The following RMDN2 variants were observed in gnomAD, a reference collection of about 807,000 sequenced individuals.
The protein encoded by RMDN2 is regulator of microtubule dynamics protein 2.
Under a neutral mutation model 52.8 loss-of-function variants are expected in RMDN2, and 61 were observed. That is an observed-to-expected ratio of 1.16 (90% CI 0.94 to 1.43). The LOEUF (loss-of-function observed/expected upper bound fraction) is 1.43. RMDN2 is among the 40% of genes most tolerant of loss of function. The pLI is 0.00. For synonymous variants in RMDN2, 180 were observed against 153.1 expected, an observed-to-expected ratio of 1.18 and a Z score of -1.30; for missense variants, 592 against 475.3, an observed-to-expected ratio of 1.25 and a Z score of -2.28.
At chr2:38,063,408 G>A (rs1682137148) in intron 10 of RMDN2, among the ~76,000 whole-genome samples, 1 of 152,054 alleles carries the variant, frequency 6.6e-6, no homozygotes, top group Non-Finnish European at 1.5e-5. Context: ...AATTCAAGAT[G>A]GATTGAAGAC....
At chr2:37,984,678 G>A (rs1673765203) in intron 5 of RMDN2, among the ~76,000 whole-genome samples, 1 of 152,134 alleles carries the variant, frequency 6.6e-6, no homozygotes, top group African/African-American at 2.4e-5. Context: ...TTTAGTAGTT[G>A]TTGAAACAGT....
intron 2 of RMDN2, among the ~76,000 whole-genome samples, chr2:37,954,027 T>TA (rs1336142589): frequency 6.6e-6 from 1 of 151,960 alleles, no homozygotes; most frequent in Non-Finnish European, 1.5e-5. Flanking sequence ...AGTCCCTTGA[T>TA]CCTTTTTTTT....
intron 10 of RMDN2, chr2:38,012,455 TTAA>T (rs1678137501): frequency 2.6e-6 from 1 of 379,786 alleles, no homozygotes; most frequent in Non-Finnish European, 5.3e-6. Flanking sequence ...AACCAAGGCA[TTAA>T]TATCGTACAA....
In RMDN2 at chr2:37,990,330, C is replaced by T. The variant is rs185061417; in HGVS notation, c.867+714C>T. Among the ~76,000 whole-genome samples the T allele has an allele frequency of 9.7e-3, 1,461 of 150,048 alleles. 27 individuals carry two copies. Among genetic ancestry groups the T allele is most frequent in the African/African-American group, 0.034 (1,379 of 40,804 alleles). On this transcript the variant is annotated intron_variant, in intron 6 of 10. Coordinates refer to ENST00000354545, the MANE Select transcript of RMDN2 (RefSeq NM_001170791.3). ...GGCCAGGAGTTCGAGACCAGCCTGG[C>T]CAACATGGTGAAACCCCATCTCTAC...
chr2:38,041,255 A>G (rs1038868508), intron 10 of RMDN2, among the ~76,000 whole-genome samples: 4 of 152,060 alleles, frequency 2.6e-5, no homozygotes, highest in African/African-American at 7.2e-5. Context: ...TGTATCTACT[A>G]CCTGCCCTCC....
At chr2:38,060,795 A>G (rs1049240238) in intron 10 of RMDN2, among the ~76,000 whole-genome samples, 2 of 149,018 alleles carry the variant, frequency 1.3e-5, no homozygotes, top group African/African-American at 5.0e-5. Context: ...CAATAAAGTT[A>G]GAGACAGCCA....
chr2:37,967,093 G>T (rs1671153295), intron 2 of RMDN2, among the ~76,000 whole-genome samples: 1 of 152,094 alleles, frequency 6.6e-6, no homozygotes, highest in Admixed American at 6.6e-5. Flanking sequence ...TGATGTTAAA[G>T]ATGAAGCCCA....
At chr2:37,973,929 T>C in intron 2 of RMDN2, 111 bp from the exon 3 acceptor site, 1 of 821,090 alleles carries the variant, frequency 1.2e-6, no homozygotes, top group South Asian at 1.6e-5. Context: ...CACGTGCCAC[T>C]GCAGAGTTTC....
intron 5 of RMDN2, 29 bp from the exon 6 acceptor site, chr2:37,989,512 C>A: frequency 6.6e-7 from 1 of 1,508,578 alleles, no homozygotes; most frequent in East Asian, 2.3e-5. Flanking sequence ...ACAGTGGCCA[C>A]TGTTTTTGTC....
upstream of RMDN2, among the ~76,000 whole-genome samples, chr2:37,924,187 A>G (rs564335342): frequency 5.3e-5 from 8 of 152,368 alleles, no homozygotes; most frequent in South Asian, 1.7e-3. Flanking sequence ...TATGGATTGC[A>G]AAACAAGCCT....
At chr2:38,055,687 G>A (rs1291985720) in intron 10 of RMDN2, among the ~76,000 whole-genome samples, 2 of 152,144 alleles carry the variant, frequency 1.3e-5, no homozygotes, top group African/African-American at 4.8e-5. Flanking sequence ...TTCGACAGAG[G>A]AGGATGCACT....
chr2:37,995,951 G>C (rs1031694615), intron 7 of RMDN2, among the ~76,000 whole-genome samples: 1 of 152,190 alleles, frequency 6.6e-6, no homozygotes, highest in African/African-American at 2.4e-5. Context: ...GGAATTATTA[G>C]ATTGCTGTGG....
chr2:37,964,398 C>T (rs953886199), intron 2 of RMDN2, among the ~76,000 whole-genome samples: 1 of 152,218 alleles, frequency 6.6e-6, no homozygotes, highest in African/African-American at 2.4e-5. Context: ...TCATTTGACT[C>T]AAGATGTTTT....
intron 2 of RMDN2, among the ~76,000 whole-genome samples, chr2:37,932,046 T>A (rs936289556): frequency 2.0e-5 from 3 of 151,782 alleles, no homozygotes; most frequent in Admixed American, 6.6e-5. Flanking sequence ...TACAAAAAAT[T>A]TATTTATTTA....
chr2:37,984,254 A>T (rs1353592981), intron 5 of RMDN2, among the ~76,000 whole-genome samples: 2 of 152,184 alleles, frequency 1.3e-5, no homozygotes, highest in Non-Finnish European at 2.9e-5. Context: ...GACAAAAAAT[A>T]TTTAATACTC....
At chr2:38,030,207 A>G (rs933037697) in intron 10 of RMDN2, 4 of 152,204 alleles carry the variant, frequency 2.6e-5, no homozygotes, top group Non-Finnish European at 4.4e-5. Context: ...TTTACTCCCC[A>G]CAAAAACATT....
chr2:37,995,304 C>T (rs1191075636), intron 7 of RMDN2, among the ~76,000 whole-genome samples: 1 of 147,168 alleles, frequency 6.8e-6, no homozygotes, highest in Admixed American at 6.8e-5. Context: ...GGAATATACC[C>T]CCTGAAGAAG....
chr2:37,932,699 C>A (rs1489521983), intron 2 of RMDN2, among the ~76,000 whole-genome samples: 2 of 146,064 alleles, frequency 1.4e-5, no homozygotes, highest in Non-Finnish European at 3.0e-5. Flanking sequence ...TGACCCCCCC[C>A]ACCTCCCTCC....
At chr2:37,943,994 C>G (rs1011307264) in intron 2 of RMDN2, among the ~76,000 whole-genome samples, 5 of 152,042 alleles carry the variant, frequency 3.3e-5, no homozygotes, top group Non-Finnish European at 5.9e-5. Flanking sequence ...TTTTGTGTAA[C>G]TTCAGAGTTA....
Sources: gnomAD v4.1 joint callset for allele counts (sites outside exome capture counted in the v4.1 genomes callset) on GRCh38, gnomAD v4.1.1 for gene constraint, MANE v1.5 for transcripts, NCBI Gene and HGNC (gene_info 2026-07-23, HGNC 2026-07-21) for gene names.